DGKB: variants seen among roughly 807,000 people sequenced by gnomAD.
DGKB encodes diacylglycerol kinase beta.
In DGKB, 67 loss-of-function variants were observed where a neutral mutation model predicts 114.3. The observed-to-expected ratio is 0.59, with a 90% confidence interval of 0.48 to 0.72. DGKB has a LOEUF of 0.72. Among genes scored for constraint, DGKB ranks in the 30% least tolerant of loss-of-function variants. The pLI is 0.00. For missense variants in DGKB, 907 were observed against 975.2 expected, an observed-to-expected ratio of 0.93 and a Z score of 0.93; for synonymous variants, 398 against 323.1, an observed-to-expected ratio of 1.23 and a Z score of -2.49.
chr7:14,241,570 G>T (rs374144844), intron 23 of DGKB, among the ~76,000 whole-genome samples: 1 of 151,894 alleles, frequency 6.6e-6, no homozygotes, highest in African/African-American at 2.4e-5. Flanking sequence ...AAAATATATT[G>T]CAAATGAAAA....
chr7:14,923,446 C>A (rs528351455), intron 1 of DGKB, among the ~76,000 whole-genome samples: 31 of 152,258 alleles, frequency 2.0e-4, no homozygotes, highest in African/African-American at 7.5e-4. Flanking sequence ...TTAAACAAGT[C>A]ACTTTTCCAC....
chr7:14,472,484 A>G (rs1781565040), intron 21 of DGKB, among the ~76,000 whole-genome samples: 1 of 152,098 alleles, frequency 6.6e-6, no homozygotes. Context: ...AAATTGTCCA[A>G]TCTCTAATTA....
intron 15 of DGKB, among the ~76,000 whole-genome samples, chr7:14,620,001 T>C (rs569112272): frequency 1.3e-3 from 195 of 151,724 alleles, no homozygotes; most frequent in Non-Finnish European, 2.0e-3. Context: ...AGCTGAAGAT[T>C]TAAACTTATC....
intron 20 of DGKB, among the ~76,000 whole-genome samples, chr7:14,571,125 C>T (rs190541546): frequency 6.6e-6 from 1 of 152,232 alleles, no homozygotes. Flanking sequence ...TGTTGAGAAC[C>T]ACTGGAAATT....
chr7:14,260,028 T>C (rs1278604453), intron 23 of DGKB, among the ~76,000 whole-genome samples: 1 of 152,052 alleles, frequency 6.6e-6, no homozygotes, highest in African/African-American at 2.4e-5. Flanking sequence ...TGTCCTGACT[T>C]TGAAACTTTA....
chr7:14,286,111 G>A (rs1286619083), intron 23 of DGKB, among the ~76,000 whole-genome samples: 1 of 152,162 alleles, frequency 6.6e-6, no homozygotes, highest in South Asian at 2.1e-4. Flanking sequence ...TAATGCCAGT[G>A]TACAACCAAG....
intron 1 of DGKB, among the ~76,000 whole-genome samples, chr7:14,886,831 A>C (rs1202082681): frequency 1.3e-5 from 2 of 151,752 alleles, no homozygotes; most frequent in Non-Finnish European, 2.9e-5. Context: ...AATTATTTCC[A>C]ATGTTCTAAG....
chr7:14,458,217 C>T (rs1431523), intron 21 of DGKB, among the ~76,000 whole-genome samples: 17,031 of 152,088 alleles, frequency 0.11, 1,201 homozygotes, highest in East Asian at 0.22. Context: ...AAAATTAGAT[C>T]CCCAAATTTC....
At chr7:14,927,949 T>C (rs114236565) in intron 1 of DGKB, among the ~76,000 whole-genome samples, 2,319 of 152,028 alleles carry the variant, frequency 0.015, 60 homozygotes, top group African/African-American at 0.052. Flanking sequence ...CAATTTATAG[T>C]AAATTCTGAG....
At chr7:14,290,004 T>C (rs971461922) in intron 23 of DGKB, among the ~76,000 whole-genome samples, 1 of 152,188 alleles carries the variant, frequency 6.6e-6, no homozygotes, top group African/African-American at 2.4e-5. Flanking sequence ...TCAAATGCTA[T>C]ATTCCAACCC....
At chr7:14,326,968 C>T (rs1353931995) in intron 23 of DGKB, among the ~76,000 whole-genome samples, 2 of 152,066 alleles carry the variant, frequency 1.3e-5, no homozygotes, top group African/African-American at 2.4e-5. Flanking sequence ...TATCTGAGTA[C>T]TCACTAGTAA....
rs770705134 is a variant in DGKB, at chr7:14,149,242, G to GAAA, written c.2305-7_2305-5dup. 2.5e-6 allele frequency: 4 copies of GAAA among 1,590,390 alleles called. No homozygotes were observed. The African/African-American group carries it at 5.4e-5, about 22-fold the overall frequency. On this transcript the variant is annotated splice_region_variant and splice_polypyrimidine_tract_variant and intron_variant, in intron 25 of 25. Transcript: ENST00000402815. ...GGTTCTTGTGTGTAATTTTTATCTA[G>GAAA]AAAAAAAGAGAGAGAGAGAGAGAGA...
At position 14,289,737 on chromosome 7, in the gene DGKB, C is replaced by T. The variant is rs1177676960; in HGVS notation, c.2122+48778G>A. ...ATAAATAAGGCAAACATAAATCAGA[C>T]ATGGACCAAAAAAAAAAAAAAAAAA... On this transcript the variant is annotated intron_variant, in intron 23 of 25. Coordinates refer to ENST00000402815, the MANE Select transcript of DGKB (RefSeq NM_001350709.2). Among the ~76,000 whole-genome samples the T allele has an allele frequency of 3.4e-4, 30 of 87,598 alleles. No individual in the cohort carries two copies. In the East Asian group the frequency reaches 6.5e-3, roughly 19 times the overall value. The allele number at this position is 87,598 out of a possible 152,430, so 57.5% of individuals were successfully genotyped here.
At chr7:14,258,378 TA>T (rs1456495768) in intron 23 of DGKB, among the ~76,000 whole-genome samples, 1 of 152,202 alleles carries the variant, frequency 6.6e-6, no homozygotes, top group African/African-American at 2.4e-5. Context: ...TAAGAGCCAG[TA>T]AATAGTCTGG....
chr7:14,190,846 T>G (rs993697919), intron 23 of DGKB: 1 of 152,796 alleles, frequency 6.5e-6, no homozygotes, highest in Non-Finnish European at 1.5e-5. Context: ...ATTGGACACA[T>G]TGATTCAGGC....
At chr7:14,231,279 C>T (rs1490719108) in intron 23 of DGKB, among the ~76,000 whole-genome samples, 1 of 151,610 alleles carries the variant, frequency 6.6e-6, no homozygotes, top group Non-Finnish European at 1.5e-5. Flanking sequence ...GACTATAGGC[C>T]TGCATCACCA....
At chr7:14,731,594 T>C in intron 5 of DGKB, among the ~76,000 whole-genome samples, 2 of 152,300 alleles carry the variant, frequency 1.3e-5, no homozygotes, top group Middle Eastern at 6.8e-3. Context: ...ATTTATTAAA[T>C]TTCTCTTAGG....
At chr7:14,795,932 T>C (rs1120409) in intron 2 of DGKB, among the ~76,000 whole-genome samples, 64,871 of 152,058 alleles carry the variant, frequency 0.43, 16,301 homozygotes, top group African/African-American at 0.7. Context: ...CTTGTACTAA[T>C]GTTATGACAT....
chr7:14,570,583 T>C (rs1303562072), intron 20 of DGKB, among the ~76,000 whole-genome samples: 1 of 152,116 alleles, frequency 6.6e-6, no homozygotes, highest in Non-Finnish European at 1.5e-5. Flanking sequence ...ACTGTATTCT[T>C]ACCAGAAAGT....
Sources: gnomAD v4.1 joint callset for allele counts (sites outside exome capture counted in the v4.1 genomes callset) on GRCh38, gnomAD v4.1.1 for gene constraint, MANE v1.5 for transcripts, NCBI Gene and HGNC (gene_info 2026-07-23, HGNC 2026-07-21) for gene names.